TAF4: variants seen among roughly 807,000 people sequenced by gnomAD.
TAF4 encodes the protein transcription initiation factor TFIID subunit 4.
TAF4 carries 9 observed loss-of-function variants against 90.3 expected under a neutral mutation model. The ratio of observed to expected loss-of-function variants is 0.10; its 90% confidence interval spans 0.06 to 0.17. The LOEUF (loss-of-function observed/expected upper bound fraction) is 0.17, where lower values mean the gene tolerates loss of function less well. Ranked by LOEUF, TAF4 falls within the 10% of genes least tolerant of loss-of-function variation. The pLI is 1.00. For synonymous variants in TAF4, 818 were observed against 638.9 expected (o/e 1.28, Z -4.23); for missense variants, 1,351 against 1,370.7 (o/e 0.99, Z 0.23).
intron 1 of TAF4, among the ~76,000 whole-genome samples, chr20:62,038,459 G>A (rs555629256): frequency 2.8e-4 from 43 of 151,954 alleles, no homozygotes; most frequent in Admixed American, 9.2e-4. Context: ...CTGAGCCACC[G>A]AGCCACTGAC....
chr20:62,050,141 G>A (rs1287485557), intron 1 of TAF4, among the ~76,000 whole-genome samples: 1 of 152,166 alleles, frequency 6.6e-6, no homozygotes, highest in African/African-American at 2.4e-5. Context: ...AGTCAAAACA[G>A]GTAACACCCA....
rs2056114640 is a variant in TAF4 at position 62,064,835 on chromosome 20, T to A, written c.976A>T (p.Ser326Cys). 2.1e-6 allele frequency: 2 copies of A among 958,348 alleles called. No homozygotes were observed. Among genetic ancestry groups the A allele is most frequent in the Non-Finnish European group, 2.5e-6 (2 of 814,194 alleles). The allele number at this position is 958,348 out of a possible 1,614,324, so 59.4% of individuals were successfully genotyped here. Residue 326 changes from serine to cysteine, a missense_variant, in exon 1 of 15, where the codon AGC becomes TGC. Coordinates refer to ENST00000252996, the MANE Select transcript of TAF4 (RefSeq NM_003185.4). ...APAAGGPAGVSGQPGPGAAAA... is the reference protein window; with the variant it reads ...APAAGGPAGVCGQPGPGAAAA... ...GCCGCGCCGGGCCCGGGTTGGCCGC[T>A]GACCCCCGCGGGGCCCCCGGCGGCC...
intron 1 of TAF4, among the ~76,000 whole-genome samples, chr20:62,051,481 C>T (rs530315254): frequency 3.3e-5 from 5 of 152,174 alleles, no homozygotes; most frequent in African/African-American, 1.2e-4. Context: ...CCAGGCTGCA[C>T]GTGCAGAGGG....
At chr20:62,046,346 G>A (rs1359232968) in intron 1 of TAF4, among the ~76,000 whole-genome samples, 3 of 152,176 alleles carry the variant, frequency 2.0e-5, no homozygotes, top group Admixed American at 6.5e-5. Flanking sequence ...GTTTCTATTC[G>A]CTTAAAACAT....
chr20:62,043,877 C>T (rs992180714), intron 1 of TAF4, among the ~76,000 whole-genome samples: 9 of 152,200 alleles, frequency 5.9e-5, no homozygotes, highest in African/African-American at 2.2e-4. Context: ...AAGTGGCGCG[C>T]GACTGTACCT....
intron 1 of TAF4, among the ~76,000 whole-genome samples, chr20:62,021,322 G>C (rs941352076): frequency 6.6e-6 from 1 of 152,246 alleles, no homozygotes; most frequent in Non-Finnish European, 1.5e-5. Context: ...AAGGAAACAA[G>C]GGGACTCTCA....
At chr20:62,047,265 C>G (rs950685456) in intron 1 of TAF4, among the ~76,000 whole-genome samples, 2 of 152,194 alleles carry the variant, frequency 1.3e-5, no homozygotes, top group African/African-American at 4.8e-5. Context: ...GCTACCACTG[C>G]AATCCCAAAG....
intron 1 of TAF4, among the ~76,000 whole-genome samples, chr20:62,036,768 CA>C (rs2055934818): frequency 6.6e-6 from 1 of 152,170 alleles, no homozygotes. Context: ...AAATTCTCAC[CA>C]AACTAGGAAA....
intron 5 of TAF4, 195 bp from the exon 6 acceptor site, chr20:62,007,831 G>A (rs2055755945): frequency 1.9e-6 from 1 of 513,984 alleles, no homozygotes. Context: ...ACACTGCAGT[G>A]CAGCCAGCTG....
At chr20:62,026,096 A>T (rs563708092) in intron 1 of TAF4, among the ~76,000 whole-genome samples, 1 of 152,330 alleles carries the variant, frequency 6.6e-6, no homozygotes, top group South Asian at 2.1e-4. Flanking sequence ...GCATAGTTTT[A>T]ATCCTCTTCC....
At chr20:61,994,397 G>C (rs564312902) in intron 14 of TAF4, among the ~76,000 whole-genome samples, 1 of 152,324 alleles carries the variant, frequency 6.6e-6, no homozygotes, top group Non-Finnish European at 1.5e-5. Context: ...ACTTATTTCT[G>C]GCCCAGAGAA....
Position 62,065,496 on chromosome 20 carries a change from C to T in TAF4, c.315G>A (p.Pro105=), listed in dbSNP as rs1373565935. 5 of 968,114 alleles carry T rather than the reference C, an allele frequency of 5.2e-6. No homozygotes were observed. The East Asian group carries it at 3.6e-4, about 69-fold the overall frequency. The allele number at this position is 968,114 out of a possible 1,614,324, so 60.0% of individuals were successfully genotyped here. The stretch of plus-strand genomic sequence containing the variant: ...GGGGGCGGCGCGGTGAGGGGGGGCC[C>T]GGGCGCTGCGGCCCCCCGCCCCCCG... ...ARPGGGGPQR[P]GPPSPRRPLV... is the part of the protein sequence containing the mutation. The change falls in exon 1 of 15, where the codon CCG becomes CCA. Residue 105 remains proline, a synonymous_variant. Coordinates refer to ENST00000252996, the MANE Select transcript of TAF4 (RefSeq NM_003185.4).
At chr20:62,027,539 C>G (rs562948110) in intron 1 of TAF4, among the ~76,000 whole-genome samples, 1 of 152,152 alleles carries the variant, frequency 6.6e-6, no homozygotes, top group Non-Finnish European at 1.5e-5. Context: ...GTGTGCTGTG[C>G]CTACCCCAGG....
chr20:62,028,558 G>T (rs560326216), intron 1 of TAF4, among the ~76,000 whole-genome samples: 2 of 152,280 alleles, frequency 1.3e-5, no homozygotes, highest in East Asian at 3.9e-4. Context: ...ACTGCGGGGC[G>T]ACTGTATCTG....
chr20:62,031,342 A>T (rs1346340472), intron 1 of TAF4, among the ~76,000 whole-genome samples: 1 of 152,232 alleles, frequency 6.6e-6, no homozygotes, highest in African/African-American at 2.4e-5. Flanking sequence ...TTCCGCCGAC[A>T]GCAGTGAGCA....
At chr20:61,996,109 T>C (rs1483722273) in intron 14 of TAF4, among the ~76,000 whole-genome samples, 5 of 152,032 alleles carry the variant, frequency 3.3e-5, no homozygotes, top group East Asian at 3.9e-4. Flanking sequence ...AAAACAAAGA[T>C]TGAAAGTCAT....
At chr20:61,992,790 C>T (rs931647878) in intron 14 of TAF4, among the ~76,000 whole-genome samples, 3 of 152,164 alleles carry the variant, frequency 2.0e-5, no homozygotes, top group African/African-American at 4.8e-5. Context: ...CACATGTTAA[C>T]GTCCAGACGG....
intron 14 of TAF4, among the ~76,000 whole-genome samples, chr20:61,987,709 G>C (rs2144675): frequency 1.3e-5 from 2 of 152,112 alleles, no homozygotes; most frequent in African/African-American, 4.8e-5. Context: ...TCCAGCAATC[G>C]TGCTCCTTGG....
intron 14 of TAF4, among the ~76,000 whole-genome samples, chr20:61,993,755 TTTG>T (rs1360390015): frequency 2.0e-5 from 3 of 152,052 alleles, no homozygotes; most frequent in Non-Finnish European, 4.4e-5. Flanking sequence ...GGTTTTTTTG[TTTG>T]TTTTTTGTTT....
Sources: gnomAD v4.1 joint callset for allele counts (sites outside exome capture counted in the v4.1 genomes callset) on GRCh38, gnomAD v4.1.1 for gene constraint, MANE v1.5 for transcripts, NCBI Gene and HGNC (gene_info 2026-07-23, HGNC 2026-07-21) for gene names.